Variants in TENM4 observed in about 807,000 individuals in gnomAD.
The protein encoded by TENM4 is teneurin transmembrane protein 4, also known as teneurin-4.
In TENM4, 82 loss-of-function variants were observed where a neutral mutation model predicts 243.3. That is an observed-to-expected ratio of 0.34 (90% CI 0.28 to 0.40). The LOEUF is 0.40. TENM4 is among the 10% of genes least tolerant of loss of function. TENM4 has a pLI of 1.00. For missense variants in TENM4, 3,138 were observed against 3,673.3 expected (o/e 0.85, Z 3.77); for synonymous variants, 1,412 against 1,456.3 (o/e 0.97, Z 0.69).
chr11:79,030,419 T>G (rs984247514), intron 6 of TENM4, among the ~76,000 whole-genome samples: 1 of 152,046 alleles, frequency 6.6e-6, no homozygotes, highest in Non-Finnish European at 1.5e-5. Flanking sequence ...AGATGCTAGG[T>G]TGGGAGCCAC....
chr11:79,293,249 T>C (rs1345352816), intron 2 of TENM4, among the ~76,000 whole-genome samples: 4 of 152,128 alleles, frequency 2.6e-5, no homozygotes, highest in Non-Finnish European at 5.9e-5. Context: ...TCTTTGACAC[T>C]TGGTTATTCA....
chr11:79,291,426 T>C (rs1295658622), intron 2 of TENM4, among the ~76,000 whole-genome samples: 1 of 152,128 alleles, frequency 6.6e-6, no homozygotes, highest in Non-Finnish European at 1.5e-5. Context: ...GGAGATCAGC[T>C]ACAACCAAAC....
At chr11:79,434,189 T>G (rs1334739793) in intron 1 of TENM4, among the ~76,000 whole-genome samples, 2 of 152,158 alleles carry the variant, frequency 1.3e-5, no homozygotes, top group Non-Finnish European at 2.9e-5. Flanking sequence ...GCCTAACAAT[T>G]TCCACTTTCA....
Position 78,726,217 on chromosome 11 carries a change from C to T in TENM4, c.3412G>A (p.Val1138Met), listed in dbSNP as rs538881762. 369 of 1,613,592 alleles carry T rather than the reference C, an allele frequency of 2.3e-4. 2 individuals are homozygous for T. In the South Asian group the frequency reaches 3.4e-3, roughly 15 times the overall value. ...GGGCAGGATTCATATTCATAACCCA[C>T]GGAAACTGTAGGTGACAGAATGAGG... Reference protein sequence around the residue: ...VFGLSEAFVSVGYEYESCPDL... With the variant: ...VFGLSEAFVSMGYEYESCPDL... The change falls in exon 23 of 34, where the codon GTG becomes ATG. Residue 1138 changes from valine (V) to methionine (M), a missense_variant. Val to Met is a conservative substitution (Grantham distance 21). Transcript: ENST00000278550.
intron 17 of TENM4, among the ~76,000 whole-genome samples, chr11:78,774,484 A>G (rs2136002869): frequency 6.6e-6 from 1 of 152,298 alleles, no homozygotes; most frequent in East Asian, 1.9e-4. Flanking sequence ...TTCCTAGCAT[A>G]TTGTACTTCT....
At chr11:78,961,754 GTAGT>G (rs1284105141) in intron 6 of TENM4, among the ~76,000 whole-genome samples, 51 of 152,010 alleles carry the variant, frequency 3.4e-4, no homozygotes, top group Admixed American at 3.3e-3. Flanking sequence ...CACAGAGTAG[GTAGT>G]TGGTTGGTGT....
intron 3 of TENM4, among the ~76,000 whole-genome samples, chr11:79,196,222 G>A (rs1863623877): frequency 6.6e-6 from 1 of 152,056 alleles, no homozygotes; most frequent in Non-Finnish European, 1.5e-5. Flanking sequence ...ATGCAAGAGG[G>A]CATCTCGCAA....
At chr11:78,660,594 C>T (rs901561491) in intron 33 of TENM4, among the ~76,000 whole-genome samples, 1 of 152,166 alleles carries the variant, frequency 6.6e-6, no homozygotes, top group Non-Finnish European at 1.5e-5. Context: ...TTTCTGACCA[C>T]CAGCAGCAAG....
chr11:79,114,965 T>C (rs181880594), intron 4 of TENM4, among the ~76,000 whole-genome samples: 1 of 152,294 alleles, frequency 6.6e-6, no homozygotes, highest in African/African-American at 2.4e-5. Flanking sequence ...TTCTAGGCTC[T>C]AGGAATATAG....
chr11:78,934,199 T>C (rs1856733287), intron 6 of TENM4, among the ~76,000 whole-genome samples: 1 of 152,182 alleles, frequency 6.6e-6, no homozygotes, highest in South Asian at 2.1e-4. Flanking sequence ...TATTGGGGCT[T>C]TGATGCAGGC....
chr11:79,332,177 G>A (rs1193154367), intron 1 of TENM4, among the ~76,000 whole-genome samples: 2 of 152,158 alleles, frequency 1.3e-5, no homozygotes, highest in Non-Finnish European at 2.9e-5. Context: ...AAGCAGCAGA[G>A]CTGGGACATG....
chr11:79,061,777 T>A (rs1381275290), intron 6 of TENM4, among the ~76,000 whole-genome samples: 2 of 152,160 alleles, frequency 1.3e-5, no homozygotes, highest in Admixed American at 1.3e-4. Context: ...CATGTAGGCT[T>A]GAGTTCCAAT....
At position 79,069,790 on chromosome 11, in the gene TENM4, G is replaced by T. The variant is rs1197116400; in HGVS notation, c.155C>A (p.Ala52Asp). Residue 52 changes from alanine to aspartate, a missense_variant, in exon 5 of 34, where the codon GCC becomes GAC. Physicochemically the swap from Ala to Asp is moderately radical, Grantham distance 126. Coordinates refer to ENST00000278550, the MANE Select transcript of TENM4 (RefSeq NM_001098816.3). ...SETLKAYDQD[A>D]RLAYGSRVKD... is the part of the protein sequence containing the mutation. ...GACGCGGCTGCCATAGGCTAGGCGG[G>T]CGTCCTGGTCGTAGGCCTTCAGGGT... 6.4e-7 allele frequency: 1 copy of T among 1,551,250 alleles called. No homozygotes were observed. The highest frequency in any genetic ancestry group is 1.2e-5 in the South Asian group (1 of 84,064).
chr11:79,023,451 A>G (rs1858988403), intron 6 of TENM4, among the ~76,000 whole-genome samples: 1 of 151,910 alleles, frequency 6.6e-6, no homozygotes, highest in African/African-American at 2.4e-5. Flanking sequence ...AATCCCAACT[A>G]CTCAGGAGGC....
chr11:79,259,735 G>A (rs932152963), intron 2 of TENM4, among the ~76,000 whole-genome samples: 2 of 151,778 alleles, frequency 1.3e-5, no homozygotes. Flanking sequence ...CTATACCCAT[G>A]AACTCAATCA....
chr11:79,056,481 T>C (rs1859946131), intron 6 of TENM4, among the ~76,000 whole-genome samples: 1 of 152,076 alleles, frequency 6.6e-6, no homozygotes, highest in Non-Finnish European at 1.5e-5. Flanking sequence ...ACAAAGCTAG[T>C]AGCCGTCAGT....
chr11:78,999,162 T>C (rs1858252930), intron 6 of TENM4, among the ~76,000 whole-genome samples: 1 of 152,182 alleles, frequency 6.6e-6, no homozygotes, highest in African/African-American at 2.4e-5. Flanking sequence ...GGGACACCAG[T>C]GGTCACACCG....
chr11:79,202,127 C>G (rs1863750214), intron 3 of TENM4, among the ~76,000 whole-genome samples: 1 of 152,070 alleles, frequency 6.6e-6, no homozygotes, highest in Non-Finnish European at 1.5e-5. Context: ...GCATGATGAG[C>G]CTGAGGTGTC....
chr11:79,398,123 A>T (rs1858382556), intron 1 of TENM4, among the ~76,000 whole-genome samples: 1 of 152,204 alleles, frequency 6.6e-6, no homozygotes, highest in Non-Finnish European at 1.5e-5. Flanking sequence ...GACAGAAGGT[A>T]GAAAATGCAG....
Sources: gnomAD v4.1 joint callset for allele counts (sites outside exome capture counted in the v4.1 genomes callset) on GRCh38, gnomAD v4.1.1 for gene constraint, MANE v1.5 for transcripts, NCBI Gene and HGNC (gene_info 2026-07-23, HGNC 2026-07-21) for gene names.